Variants in IL17A observed in about 807,000 individuals in gnomAD.
IL17A encodes the protein interleukin-17A.
In IL17A, 1 loss-of-function variant was observed where a neutral mutation model predicts 7.2. The observed-to-expected ratio is 0.14, with a 90% CI of 0.05 to 0.66. IL17A has a LOEUF of 0.66. IL17A is among the 30% of genes least tolerant of loss of function. The pLI, the probability that IL17A is intolerant of heterozygous loss-of-function variation, is 0.84. For missense variants in IL17A, 191 were observed against 197.1 expected, an observed-to-expected ratio of 0.97 and a Z score of 0.18; for synonymous variants, 90 against 77.7, an observed-to-expected ratio of 1.16 and a Z score of -0.83.
At chr6:52,186,974 T>G (rs1763296009) in intron 1 of IL17A, among the ~76,000 whole-genome samples, 1 of 152,254 alleles carries the variant, frequency 6.6e-6, no homozygotes, top group Non-Finnish European at 1.5e-5. Flanking sequence ...TAACTTCAAG[T>G]ATCTTTTTTG....
At position 52,186,446 on chromosome 6, in the gene IL17A, G is replaced by C. The variant is rs1410140371; in HGVS notation, c.15G>C (p.Lys5Asn). The C allele has an allele frequency of 6.2e-7, 1 of 1,613,958 alleles. No individual in the cohort carries two copies. The highest frequency in any genetic ancestry group is 8.5e-7 in the Non-Finnish European group (1 of 1,179,868). Residue 5 changes from lysine to asparagine, a missense_variant, in exon 1 of 3, where the codon AAG (lysine) becomes AAC (asparagine). Transcript: ENST00000648244. Reference protein sequence around the residue: MTPGKTSLVSLLLLL... With the variant: MTPGNTSLVSLLLLL... ...AAGAAACAACGATGACTCCTGGGAA[G>C]ACCTCATTGGTGGTGAGTCCTGCAC...
intron 2 of IL17A, among the ~76,000 whole-genome samples, chr6:52,188,598 G>T (rs1315555804): frequency 6.6e-6 from 1 of 152,000 alleles, no homozygotes; most frequent in Non-Finnish European, 1.5e-5. Flanking sequence ...CTCAGCTCTG[G>T]GCTCTGTCCC....
chr6:52,189,332 A>T lies in IL17A; in HGVS notation c.*40A>T, dbSNP rs373281866. On this transcript the variant is annotated 3_prime_UTR_variant, in exon 3 of 3. Coordinates refer to ENST00000648244, the MANE Select transcript of IL17A (RefSeq NM_002190.3). ...CCACACTCCCCAAAGCAGTTAGACT[A>T]TGGAGAGCCGACCCAGCCCCTCAGG... The T allele has an allele frequency of 2.0e-6, 3 of 1,511,432 alleles. No homozygotes were observed. The highest frequency in any genetic ancestry group is 2.7e-6 in the Non-Finnish European group (3 of 1,091,868). The allele number at this position is 1,511,432 out of a possible 1,614,324, so 93.6% of individuals were successfully genotyped here. A position where few individuals can be genotyped will look rare whatever the true frequency, so the allele number is the denominator to read the frequency against.
At chr6:52,187,850 T>A (rs368986424) in intron 2 of IL17A, 45 bp downstream of exon 2, 178 of 1,464,100 alleles carry the variant, frequency 1.2e-4, no homozygotes, top group Non-Finnish European at 2.9e-5. Flanking sequence ...TTCATCCCTC[T>A]TATGCATCAG....
In IL17A at chr6:52,189,132, A is replaced by G. The variant is rs1763333035; in HGVS notation, c.308A>G (p.Asp103Gly). 4 of 1,614,156 alleles carry G rather than the reference A, an allele frequency of 2.5e-6. No homozygotes were observed. In the South Asian group the frequency reaches 3.3e-5, roughly 13 times the overall value. Reference sequence around the variant, plus strand: ...CGCCACTTGGGCTGCATCAACGCTGATGGGAACGTGGACTACCACATGAAC... The same window carrying G: ...CGCCACTTGGGCTGCATCAACGCTGGTGGGAACGTGGACTACCACATGAAC... ...KCRHLGCINA[D>G]GNVDYHMNSV... The change falls in exon 3 of 3, where the codon GAT (aspartate) becomes GGT (glycine). Residue 103 changes from aspartate to glycine, a missense_variant. Asp to Gly is a moderately conservative substitution (Grantham distance 94, BLOSUM62 -1). Transcript: ENST00000648244.
Position 52,189,543 on chromosome 6 carries a change from G to T in IL17A, c.*251G>T, listed in dbSNP as rs927134248. 1 of 398,356 alleles carries T rather than the reference G, an allele frequency of 2.5e-6. No homozygotes were observed. Among genetic ancestry groups the T allele is most frequent in the Non-Finnish European group, 4.4e-6 (1 of 225,018 alleles). 24.7% of individuals were successfully genotyped at this position (398,356 alleles called of 1,614,324 possible). A position where few individuals can be genotyped will look rare whatever the true frequency, so the allele number is the denominator to read the frequency against. ...TTGCTTCTTGTTTACTTTTTTAAGGGCTTTAAGTTATTTATGTATTTAATA... is the reference window on the plus strand; with the variant it reads ...TTGCTTCTTGTTTACTTTTTTAAGGTCTTTAAGTTATTTATGTATTTAATA... On this transcript the variant is annotated 3_prime_UTR_variant, in exon 3 of 3. Coordinates refer to ENST00000648244, the MANE Select transcript of IL17A (RefSeq NM_002190.3).
rs1763361289 is a variant in IL17A, at chr6:52,190,547, G to C, written c.*1255G>C. 1.3e-5 allele frequency: 2 copies of C among 152,188 alleles called. No individual in the cohort carries two copies. Among genetic ancestry groups the C allele is most frequent in the African/African-American group, 4.8e-5 (2 of 41,438 alleles). The allele number at this position is 152,188 out of a possible 1,614,324, so 9.4% of individuals were successfully genotyped here. A position where few individuals can be genotyped will look rare whatever the true frequency, so the allele number is the denominator to read the frequency against. ...GCTGATGGGGCAGAACGAACTTTAAGTATGAGAAAAGTTCAGCCCAAGTAA... is the reference window on the plus strand; with the variant it reads ...GCTGATGGGGCAGAACGAACTTTAACTATGAGAAAAGTTCAGCCCAAGTAA... On this transcript the variant is annotated 3_prime_UTR_variant, in exon 3 of 3. Coordinates refer to ENST00000648244, the MANE Select transcript of IL17A (RefSeq NM_002190.3).
At position 52,189,385 on chromosome 6, in the gene IL17A, T is replaced by A; in HGVS notation, c.*93T>A. ...CCCTCATCCTTCAAAGACAGCCTCA[T>A]TTCGGACTAAACTCATTAGAGTTCT... On this transcript the variant is annotated 3_prime_UTR_variant, in exon 3 of 3. Transcript: ENST00000648244. The A allele has an allele frequency of 1.1e-6, 1 of 909,390 alleles. No homozygotes were observed. Among genetic ancestry groups the A allele is most frequent in the South Asian group, 1.6e-5 (1 of 64,024 alleles). 56.3% of individuals were successfully genotyped at this position (909,390 alleles called of 1,614,324 possible). A position where few individuals can be genotyped will look rare whatever the true frequency, so the allele number is the denominator to read the frequency against.
chr6:52,189,634 C>T lies in IL17A; in HGVS notation c.*342C>T, dbSNP rs1277459900. 2 of 183,860 alleles carry T rather than the reference C, an allele frequency of 1.1e-5. No individual in the cohort carries two copies. The highest frequency in any genetic ancestry group is 2.2e-5 in the Non-Finnish European group (2 of 89,834). 11.4% of individuals were successfully genotyped at this position (183,860 alleles called of 1,614,324 possible). A position where few individuals can be genotyped will look rare whatever the true frequency, so the allele number is the denominator to read the frequency against. ...GAATTACCTACTTTATTTTGTTTGT[C>T]TTTTTAAAGAAGATAAGATTCTGGG... On this transcript the variant is annotated 3_prime_UTR_variant, in exon 3 of 3. Coordinates refer to ENST00000648244, the MANE Select transcript of IL17A (RefSeq NM_002190.3).
rs766719721 is a variant in IL17A, at chr6:52,189,191, C to T, written c.367C>T (p.Arg123Cys). 4.3e-6 allele frequency: 7 copies of T among 1,614,154 alleles called. No individual in the cohort carries two copies. The highest frequency in any genetic ancestry group is 3.3e-4 in the Middle Eastern group (2 of 6,062). The change falls in exon 3 of 3, where the codon CGC (arginine) becomes TGC (cysteine). Residue 123 changes from arginine to cysteine, a missense_variant. Transcript: ENST00000648244. ...CATCCAGCAAGAGATCCTGGTCCTG[C>T]GCAGGGAGCCTCCACACTGCCCCAA... is the stretch of plus-strand genomic sequence containing the variant. ...VPIQQEILVL[R>C]REPPHCPNSF...
In IL17A at chr6:52,190,452, T is replaced by A. The variant is rs1244977206; in HGVS notation, c.*1160T>A. 1 of 152,146 alleles carries A rather than the reference T, an allele frequency of 6.6e-6. No homozygotes were observed. The highest frequency in any genetic ancestry group is 1.5e-5 in the Non-Finnish European group (1 of 68,058). The allele number at this position is 152,146 out of a possible 1,614,324, so 9.4% of individuals were successfully genotyped here. On this transcript the variant is annotated 3_prime_UTR_variant, in exon 3 of 3. Transcript: ENST00000648244. ...TCAGAGATCAACAGACCAACATTTT[T>A]CTCTTCCTCAAGCAACACTCCTAGG...
chr6:52,189,527 G>A lies in IL17A; in HGVS notation c.*235G>A. ...TTGACTGAGTACCAATTTGCTTCTTGTTTACTTTTTTAAGGGCTTTAAGTT... is the reference window on the plus strand; with the variant it reads ...TTGACTGAGTACCAATTTGCTTCTTATTTACTTTTTTAAGGGCTTTAAGTT... On this transcript the variant is annotated 3_prime_UTR_variant, in exon 3 of 3. Coordinates refer to ENST00000648244, the MANE Select transcript of IL17A (RefSeq NM_002190.3). 2.3e-6 allele frequency: 1 copy of A among 431,728 alleles called. No homozygotes were observed. The highest frequency in any genetic ancestry group is 4.1e-6 in the Non-Finnish European group (1 of 245,398). The allele number at this position is 431,728 out of a possible 1,614,324, so 26.7% of individuals were successfully genotyped here. A position where few individuals can be genotyped will look rare whatever the true frequency, so the allele number is the denominator to read the frequency against.
At position 52,189,239 on chromosome 6, in the gene IL17A, C is replaced by G; in HGVS notation, c.415C>G (p.Leu139Val). Residue 139 changes from leucine (L) to valine (V), a missense_variant, in exon 3 of 3, where the codon CTG becomes GTG. Physicochemically the swap from Leu to Val is conservative, Grantham distance 32. Transcript: ENST00000648244. The stretch of plus-strand genomic sequence containing the variant: ...CAACTCCTTCCGGCTGGAGAAGATA[C>G]TGGTGTCCGTGGGCTGCACCTGTGT... ...CPNSFRLEKILVSVGCTCVTP... is the reference protein window; with the variant it reads ...CPNSFRLEKIVVSVGCTCVTP... 1 of 1,614,144 alleles carries G rather than the reference C, an allele frequency of 6.2e-7. No individual in the cohort carries two copies. Among genetic ancestry groups the G allele is most frequent in the South Asian group, 1.1e-5 (1 of 91,080 alleles).
rs532340893 is a variant in IL17A at position 52,186,793 on chromosome 6, A to T, written c.27+335A>T. 2.6e-5 allele frequency among the ~76,000 whole-genome samples: 4 copies of T among 152,272 alleles called. No homozygotes were observed. The South Asian group carries it at 8.3e-4, about 32-fold the overall frequency. On this transcript the variant is annotated intron_variant, in intron 1 of 2. Coordinates refer to ENST00000648244, the MANE Select transcript of IL17A (RefSeq NM_002190.3). ...GGATTTAATATAATTCTCCCACGGC[A>T]TTTTTCTTTAAAATGGGTCACTATC...
chr6:52,188,991 T>C (rs922147883), intron 2 of IL17A, 64 bp from the exon 3 acceptor site: 18 of 1,264,978 alleles, frequency 1.4e-5, no homozygotes, highest in African/African-American at 5.9e-5. Flanking sequence ...CATGTATTCC[T>C]GTTTTATTTC....
Position 52,189,398 on chromosome 6 carries a change from T to G in IL17A, c.*106T>G, listed in dbSNP as rs1763339380. 1.3e-6 allele frequency: 1 copy of G among 773,140 alleles called. No individual in the cohort carries two copies. The highest frequency in any genetic ancestry group is 1.7e-5 in the African/African-American group (1 of 57,310). The allele number at this position is 773,140 out of a possible 1,614,324, so 47.9% of individuals were successfully genotyped here. A position where few individuals can be genotyped will look rare whatever the true frequency, so the allele number is the denominator to read the frequency against. The stretch of plus-strand genomic sequence containing the variant: ...AAGACAGCCTCATTTCGGACTAAAC[T>G]CATTAGAGTTCTTAAGGCAGTTTGT... On this transcript the variant is annotated 3_prime_UTR_variant, in exon 3 of 3. Transcript: ENST00000648244.
Position 52,189,418 on chromosome 6 carries a change from G to C in IL17A, c.*126G>C. 1.5e-6 allele frequency: 1 copy of C among 661,502 alleles called. No individual in the cohort carries two copies. The highest frequency in any genetic ancestry group is 2.6e-6 in the Non-Finnish European group (1 of 390,416). The allele number at this position is 661,502 out of a possible 1,614,324, so 41.0% of individuals were successfully genotyped here. ...TAAACTCATTAGAGTTCTTAAGGCA[G>C]TTTGTCCAATTAAAGCTTCAGAGGT... On this transcript the variant is annotated 3_prime_UTR_variant, in exon 3 of 3. Coordinates refer to ENST00000648244, the MANE Select transcript of IL17A (RefSeq NM_002190.3).
At chr6:52,187,556 T>G (rs768308718) in intron 1 of IL17A, 47 bp from the exon 2 acceptor site, 6 of 1,432,064 alleles carry the variant, frequency 4.2e-6, no homozygotes, top group Non-Finnish European at 5.9e-6. Flanking sequence ...AAGAACCACA[T>G]AGTAATCTAA....
intron 2 of IL17A, among the ~76,000 whole-genome samples, chr6:52,188,195 A>C (rs540634354): frequency 6.6e-6 from 1 of 152,222 alleles, no homozygotes; most frequent in African/African-American, 2.4e-5. Flanking sequence ...ATTAATAATT[A>C]GGGTTTTTTA....
Sources: gnomAD v4.1 joint callset for allele counts (sites outside exome capture counted in the v4.1 genomes callset) on GRCh38, gnomAD v4.1.1 for gene constraint, MANE v1.5 for transcripts, NCBI Gene and HGNC (gene_info 2026-07-23, HGNC 2026-07-21) for gene names.